Variants in LDB3 observed in about 807,000 individuals in gnomAD.
LDB3 encodes the protein LIM domain-binding protein 3.
LDB3 carries 49 observed loss-of-function variants against 69.0 expected under a neutral mutation model. The observed-to-expected ratio is 0.71, with a 90% CI of 0.56 to 0.90. The LOEUF (loss-of-function observed/expected upper bound fraction) is 0.90. Among genes scored for constraint, LDB3 ranks in the 40% least tolerant of loss-of-function variants. LDB3 has a pLI of 0.00. For missense variants in LDB3, 928 were observed against 974.1 expected (o/e 0.95, Z 0.63); for synonymous variants, 387 against 396.2 (o/e 0.98, Z 0.28).
At chr10:86,675,960 CTT>C (rs1186375549) in intron 2 of LDB3, among the ~76,000 whole-genome samples, 1 of 152,212 alleles carries the variant, frequency 6.6e-6, no homozygotes, top group African/African-American at 2.4e-5. Flanking sequence ...CTAGAAAACT[CTT>C]TTGCTTTCCT....
At chr10:86,691,108 T>C (rs1845738042) in intron 5 of LDB3, among the ~76,000 whole-genome samples, 1 of 152,218 alleles carries the variant, frequency 6.6e-6, no homozygotes, top group Non-Finnish European at 1.5e-5. Flanking sequence ...TGGGAGGCAC[T>C]GGACCCGAGG....
rs750941511 is a variant in LDB3 at position 86,716,506 on chromosome 10, C to T, written c.1411C>T (p.Pro471Ser). 3.7e-5 allele frequency: 60 copies of T among 1,612,802 alleles called. 1 individual carries two copies. The South Asian group carries it at 6.2e-4, about 17-fold the overall frequency. Residue 471 changes from proline to serine, a missense_variant, in exon 10 of 14, where the codon CCT becomes TCT. By Grantham distance (74) the Pro-to-Ser change is moderately conservative (BLOSUM62 -1). Coordinates refer to ENST00000361373, the MANE Select transcript of LDB3 (RefSeq NM_007078.3). ...CCCCTCACCTGCCCCCAACTATAAC[C>T]CTGCACCCTCGGTGGCCTACAGCGG... is the stretch of plus-strand genomic sequence containing the variant. ...YTPSPAPNYN[P>S]APSVAYSGGP...
intron 7 of LDB3, among the ~76,000 whole-genome samples, chr10:86,706,200 C>T (rs1192518116): frequency 1.3e-5 from 2 of 148,458 alleles, no homozygotes; most frequent in Admixed American, 6.8e-5. Flanking sequence ...ATAATTCCAT[C>T]GGCCTTTCTA....
chr10:86,712,442 C>T lies in LDB3; in HGVS notation c.1231+2392C>T, dbSNP rs577908858. Among the ~76,000 whole-genome samples the T allele has an allele frequency of 7.9e-5, 12 of 152,248 alleles. No individual in the cohort carries two copies. In the East Asian group the frequency reaches 2.3e-3, roughly 29 times the overall value. On this transcript the variant is annotated intron_variant, in intron 9 of 13. Coordinates refer to ENST00000361373, the MANE Select transcript of LDB3 (RefSeq NM_007078.3). ...GGGCGTACTAAAGCCTGTTTTGCTGCTTGGGGAGTTTCTAAGCGGGCATCT... is the reference window on the plus strand; with the variant it reads ...GGGCGTACTAAAGCCTGTTTTGCTGTTTGGGGAGTTTCTAAGCGGGCATCT...
At chr10:86,723,700 T>C (rs1847162457) in intron 12 of LDB3, among the ~76,000 whole-genome samples, 1 of 152,250 alleles carries the variant, frequency 6.6e-6, no homozygotes, top group South Asian at 2.1e-4. Context: ...CAGAACGATG[T>C]TTTCTTAGCT....
rs769940817 is a variant in LDB3 at position 86,668,797 on chromosome 10, T to C, written c.93+13T>C. On this transcript the variant is annotated intron_variant, in intron 2 of 13. Coordinates refer to ENST00000361373, the MANE Select transcript of LDB3 (RefSeq NM_007078.3). The stretch of plus-strand genomic sequence containing the variant: ...CACTATCTCCCGGGTGAGTGCACCC[T>C]GCCACAGCCTGGCACCCGATGGGGC... 1 of 1,602,514 alleles carries C rather than the reference T, an allele frequency of 6.2e-7. No homozygotes were observed. Among genetic ancestry groups the C allele is most frequent in the Non-Finnish European group, 8.5e-7 (1 of 1,170,366 alleles).
At chr10:86,687,456 C>T (rs1845545857) in intron 5 of LDB3, among the ~76,000 whole-genome samples, 1 of 152,258 alleles carries the variant, frequency 6.6e-6, no homozygotes. Flanking sequence ...CAGACCCTCT[C>T]CATGGTCAGC....
At chr10:86,681,884 G>A (rs1031129987) in intron 5 of LDB3, 81 bp downstream of exon 5, 1 of 1,419,670 alleles carries the variant, frequency 7.0e-7, no homozygotes, top group Non-Finnish European at 9.6e-7. Context: ...TGGTCAGGTG[G>A]TCAGAGCGAG....
intron 5 of LDB3, among the ~76,000 whole-genome samples, chr10:86,682,350 G>A (rs1315987612): frequency 5.3e-5 from 8 of 152,138 alleles, no homozygotes; most frequent in African/African-American, 1.9e-4. Context: ...TGCAGGGAGC[G>A]GGTTTGCAGG....
At chr10:86,677,183 G>A (rs1844841884) in intron 2 of LDB3, among the ~76,000 whole-genome samples, 1 of 152,192 alleles carries the variant, frequency 6.6e-6, no homozygotes, top group South Asian at 2.1e-4. Context: ...GGCCTGCATG[G>A]CACTCCTCAT....
rs45548935 is a variant in LDB3, at chr10:86,681,885, T to C, written c.689+82T>C. On this transcript the variant is annotated intron_variant, in intron 5 of 13. Transcript: ENST00000361373. Reference sequence around the variant, plus strand: ...GCTCGGCAGAGACCTGGTCAGGTGGTCAGAGCGAGGCACTGGCCCCAATCC... The same window carrying C: ...GCTCGGCAGAGACCTGGTCAGGTGGCCAGAGCGAGGCACTGGCCCCAATCC... The C allele has an allele frequency of 1.3e-3, 1,793 of 1,408,332 alleles. 1 individual carries two copies. The highest frequency in any genetic ancestry group is 1.6e-3 in the Non-Finnish European group (1,619 of 1,036,760). The allele number at this position is 1,408,332 out of a possible 1,614,324, so 87.2% of individuals were successfully genotyped here.
intron 10 of LDB3, among the ~76,000 whole-genome samples, chr10:86,717,303 A>T (rs1227035623): frequency 6.6e-6 from 1 of 152,222 alleles, no homozygotes; most frequent in Non-Finnish European, 1.5e-5. Flanking sequence ...GTGTGAGCTT[A>T]TATACGTGAA....
chr10:86,718,714 C>G lies in LDB3; in HGVS notation c.1858-13C>G. The G allele has an allele frequency of 6.2e-7, 1 of 1,614,194 alleles. No individual in the cohort carries two copies. Among genetic ancestry groups the G allele is most frequent in the Non-Finnish European group, 8.5e-7 (1 of 1,180,036 alleles). ...CTCTCCTTTCTGTCCTGAGCTTAGG[C>G]TCTTTCCCCCAGGAAGTAATGCATG... On this transcript the variant is annotated splice_polypyrimidine_tract_variant and intron_variant, in intron 11 of 13. Coordinates refer to ENST00000361373, the MANE Select transcript of LDB3 (RefSeq NM_007078.3).
chr10:86,696,441 T>C (rs555751302), intron 7 of LDB3, among the ~76,000 whole-genome samples: 2 of 152,306 alleles, frequency 1.3e-5, no homozygotes, highest in African/African-American at 2.4e-5. Flanking sequence ...AGGTCGTCTT[T>C]CTTGCTCTTG....
intron 13 of LDB3, among the ~76,000 whole-genome samples, chr10:86,729,977 C>G (rs1847397974): frequency 6.6e-6 from 1 of 152,202 alleles, no homozygotes; most frequent in Non-Finnish European, 1.5e-5. Flanking sequence ...GGATGTCCAT[C>G]TTTTTGCATA....
chr10:86,670,915 G>A (rs146282301), intron 2 of LDB3, among the ~76,000 whole-genome samples: 21 of 152,316 alleles, frequency 1.4e-4, no homozygotes, highest in African/African-American at 3.1e-4. Flanking sequence ...GTTCAGTGCC[G>A]CTGGCAGGGC....
At chr10:86,718,520 G>A (rs1387805301) in intron 11 of LDB3, among the ~76,000 whole-genome samples, 1 of 152,170 alleles carries the variant, frequency 6.6e-6, no homozygotes, top group African/African-American at 2.4e-5. Flanking sequence ...GTTTATGTAA[G>A]AAAGCACAGA....
At chr10:86,697,526 C>A (rs1450181526) in intron 7 of LDB3, among the ~76,000 whole-genome samples, 3 of 134,442 alleles carry the variant, frequency 2.2e-5, no homozygotes, top group South Asian at 2.5e-4. Context: ...CGGCCAACTT[C>A]TTTTTTTTCT....
chr10:86,713,791 C>G (rs563297647), intron 9 of LDB3, among the ~76,000 whole-genome samples: 1 of 152,208 alleles, frequency 6.6e-6, no homozygotes, highest in Non-Finnish European at 1.5e-5. Flanking sequence ...TTTACAAAAT[C>G]CATTCACTAT....
Sources: gnomAD v4.1 joint callset for allele counts (sites outside exome capture counted in the v4.1 genomes callset) on GRCh38, gnomAD v4.1.1 for gene constraint, MANE v1.5 for transcripts, NCBI Gene and HGNC (gene_info 2026-07-23, HGNC 2026-07-21) for gene names.